Variants in ADAMTSL1 observed in about 807,000 individuals in gnomAD.
ADAMTSL1 encodes the protein ADAMTS like 1.
Under a neutral mutation model 201.8 loss-of-function variants are expected in ADAMTSL1, and 126 were observed. That is an observed-to-expected ratio of 0.62 (90% CI 0.54 to 0.72). The LOEUF (loss-of-function observed/expected upper bound fraction) is 0.72. ADAMTSL1 is among the 30% of genes least tolerant of loss of function. ADAMTSL1 has a pLI of 0.00. For synonymous variants in ADAMTSL1, 1,121 were observed against 903.4 expected, an observed-to-expected ratio of 1.24 and a Z score of -4.32; for missense variants, 2,679 against 2,277.8, an observed-to-expected ratio of 1.18 and a Z score of -3.59.
intron 23 of ADAMTSL1, among the ~76,000 whole-genome samples, chr9:18,853,602 C>A (rs545999017): frequency 2.8e-4 from 42 of 152,312 alleles, no homozygotes; most frequent in African/African-American, 9.4e-4. Context: ...CTTTCATTAA[C>A]TTTGCAAAGG....
At chr9:18,896,651 AG>A (rs1829656035) in intron 26 of ADAMTSL1, among the ~76,000 whole-genome samples, 2 of 152,178 alleles carry the variant, frequency 1.3e-5, no homozygotes, top group South Asian at 4.1e-4. Flanking sequence ...TTCACCCCCC[AG>A]CCAAGGGAAG....
chr9:18,075,420 T>C lies in ADAMTSL1; in HGVS notation c.88-88442T>C, dbSNP rs546058121. Among the ~76,000 whole-genome samples the C allele has an allele frequency of 3.3e-5, 5 of 152,284 alleles. No homozygotes were observed. The South Asian group carries it at 1.0e-3, about 32-fold the overall frequency. ...AACATGGGTGGGAGCCACAAGTACG[T>C]TGGGACTCACCCCACCCTATCCCAC... is the stretch of plus-strand genomic sequence containing the variant. On this transcript the variant is annotated intron_variant, in intron 1 of 29. Transcript: ENST00000680146.
chr9:18,654,915 C>A (rs912455640), intron 7 of ADAMTSL1, among the ~76,000 whole-genome samples: 23 of 152,336 alleles, frequency 1.5e-4, no homozygotes, highest in African/African-American at 5.5e-4. Context: ...CTGTGGATCC[C>A]AGCTCAGAGA....
intron 2 of ADAMTSL1, among the ~76,000 whole-genome samples, chr9:18,337,579 C>A (rs1835295560): frequency 6.6e-6 from 1 of 152,092 alleles, no homozygotes; most frequent in Admixed American, 6.5e-5. Context: ...ATATAGTTAA[C>A]CCAGGGTCAC....
At chr9:18,017,301 A>C (rs1820299173) in intron 1 of ADAMTSL1, among the ~76,000 whole-genome samples, 1 of 152,016 alleles carries the variant, frequency 6.6e-6, no homozygotes, top group Non-Finnish European at 1.5e-5. Flanking sequence ...TACATACTGA[A>C]GTTTTGTGGG....
chr9:18,304,668 A>G lies in ADAMTSL1; in HGVS notation c.207+140687A>G, dbSNP rs1382961301. Among the ~76,000 whole-genome samples the G allele has an allele frequency of 3.3e-5, 5 of 151,102 alleles. No homozygotes were observed. In the South Asian group the frequency reaches 6.3e-4, roughly 19 times the overall value. On this transcript the variant is annotated intron_variant, in intron 2 of 29. Coordinates refer to the ADAMTSL1 transcript ENST00000680146. ...CTAAACTTTTTTTTTTTTTAGGACT[A>G]TGCTTTAGTATGTTCATTATAAAAC...
At chr9:18,313,908 G>A (rs1464522217) in intron 2 of ADAMTSL1, among the ~76,000 whole-genome samples, 2 of 152,110 alleles carry the variant, frequency 1.3e-5, no homozygotes, top group Admixed American at 1.3e-4. Flanking sequence ...TAGAATGGGA[G>A]AAATAATTTG....
chr9:18,596,300 A>T (rs182758756), intron 4 of ADAMTSL1, among the ~76,000 whole-genome samples: 1 of 152,304 alleles, frequency 6.6e-6, no homozygotes, highest in Admixed American at 6.5e-5. Context: ...TATAATCAGC[A>T]GTACGTGGTG....
intron 23 of ADAMTSL1, among the ~76,000 whole-genome samples, chr9:18,848,782 G>A (rs1331017932): frequency 1.3e-5 from 2 of 152,212 alleles, no homozygotes; most frequent in East Asian, 1.9e-4. Flanking sequence ...ATTCAACTCT[G>A]CAGTTGAAAA....
chr9:18,872,992 T>C (rs954969759), intron 23 of ADAMTSL1, among the ~76,000 whole-genome samples: 1 of 152,218 alleles, frequency 6.6e-6, no homozygotes, highest in Non-Finnish European at 1.5e-5. Context: ...TATTATTTTT[T>C]GATTTGCTGA....
intron 2 of ADAMTSL1, among the ~76,000 whole-genome samples, chr9:18,333,069 TTTAC>T (rs1835096489): frequency 6.6e-6 from 1 of 152,220 alleles, no homozygotes; most frequent in South Asian, 2.1e-4. Context: ...TACCAGGAAA[TTTAC>T]CTCACAGATT....
At chr9:18,514,996 C>G (rs1818278596) in intron 2 of ADAMTSL1, among the ~76,000 whole-genome samples, 1 of 152,136 alleles carries the variant, frequency 6.6e-6, no homozygotes, top group Non-Finnish European at 1.5e-5. Context: ...TAAATTTTGC[C>G]AAATGATTTT....
At chr9:18,431,047 G>A (rs1052948781) in intron 2 of ADAMTSL1, among the ~76,000 whole-genome samples, 5 of 152,276 alleles carry the variant, frequency 3.3e-5, no homozygotes, top group East Asian at 1.9e-4. Flanking sequence ...GAGAGACTAC[G>A]TGGGCCAGAG....
At chr9:18,106,096 C>T (rs1824751914) in intron 1 of ADAMTSL1, among the ~76,000 whole-genome samples, 1 of 152,124 alleles carries the variant, frequency 6.6e-6, no homozygotes, top group Non-Finnish European at 1.5e-5. Flanking sequence ...TTCAAAGCTA[C>T]CCAATCTATC....
chr9:18,852,297 T>A (rs1826546740), intron 23 of ADAMTSL1, among the ~76,000 whole-genome samples: 1 of 152,124 alleles, frequency 6.6e-6, no homozygotes, highest in Admixed American at 6.6e-5. Flanking sequence ...ACCTCCAGGG[T>A]TTTTGAAAGG....
At chr9:18,521,403 A>C (rs2132031405) in intron 2 of ADAMTSL1, among the ~76,000 whole-genome samples, 1 of 151,910 alleles carries the variant, frequency 6.6e-6, no homozygotes, top group Non-Finnish European at 1.5e-5. Flanking sequence ...CTGTATCAAA[A>C]CCTCTTCTGC....
At chr9:18,609,207 GA>G (rs1369859158) in intron 4 of ADAMTSL1, among the ~76,000 whole-genome samples, 2 of 152,286 alleles carry the variant, frequency 1.3e-5, no homozygotes, top group South Asian at 2.1e-4. Flanking sequence ...AATTAACTCT[GA>G]AAAATCAGTA....
chr9:18,013,240 C>A (rs1820127348), intron 1 of ADAMTSL1, among the ~76,000 whole-genome samples: 1 of 151,972 alleles, frequency 6.6e-6, no homozygotes, highest in Admixed American at 6.6e-5. Context: ...AGAGCACTTT[C>A]ACATATTTTG....
chr9:18,289,121 G>A (rs886242794), intron 2 of ADAMTSL1, among the ~76,000 whole-genome samples: 4 of 142,410 alleles, frequency 2.8e-5, no homozygotes, highest in Non-Finnish European at 6.2e-5. Flanking sequence ...TCTTATTGGT[G>A]TATATATATG....
Sources: allele counts gnomAD v4.1 joint callset (sites outside exome capture counted in the v4.1 genomes callset), GRCh38; gene constraint gnomAD v4.1.1; transcripts MANE v1.5; gene names NCBI Gene and HGNC (gene_info 2026-07-23, HGNC 2026-07-21).